CBY2: variants seen among roughly 807,000 people sequenced by gnomAD.
CBY2 encodes the protein protein chibby homolog 2.
A neutral mutation model predicts 25.3 loss-of-function variants in CBY2; 23 were observed. That is an observed-to-expected ratio of 0.91 (90% CI 0.65 to 1.29). CBY2 has a LOEUF of 1.29. Ranked by LOEUF, CBY2 falls within the 50% of genes most tolerant of loss-of-function variation. The pLI, the probability that CBY2 is intolerant of heterozygous loss-of-function variation, is 0.00. For synonymous variants in CBY2, 279 were observed against 260.2 expected (o/e 1.07, Z -0.70); for missense variants, 642 against 590.7 (o/e 1.09, Z -0.90).
Position 45,704,242 on chromosome 13 carries a change from A to G in CBY2, c.156+1387A>G, listed in dbSNP as rs973215303. Among the ~76,000 whole-genome samples the G allele has an allele frequency of 3.9e-5, 6 of 152,136 alleles. No homozygotes were observed. Among genetic ancestry groups the G allele is most frequent in the African/African-American group, 1.2e-4 (5 of 41,450 alleles). On this transcript the variant is annotated intron_variant, in intron 2 of 2. Transcript: ENST00000310521. This position sits in a 1 kb window ranked among gnomAD's most constrained non-coding sequence, Gnocchi z 4.1. Reference sequence around the variant, plus strand: ...CTCCCCAGCTCCCAGAAACAGCCCAACGATCAAGGAGAAGAGAAGGTGGTT... The same window carrying G: ...CTCCCCAGCTCCCAGAAACAGCCCAGCGATCAAGGAGAAGAGAAGGTGGTT...
rs1331349882 is a variant in CBY2, at chr13:45,713,743, C to A, written c.718C>A (p.Arg240Ser). 3 of 1,610,560 alleles carry A rather than the reference C, an allele frequency of 1.9e-6. No homozygotes were observed. Among genetic ancestry groups the A allele is most frequent in the African/African-American group, 2.7e-5 (2 of 74,878 alleles). The change falls in exon 3 of 3, where the codon CGT becomes AGT. Residue 240 changes from arginine to serine, a missense_variant. Transcript: ENST00000310521. This position sits in a 1 kb window ranked among gnomAD's most constrained non-coding sequence, Gnocchi z 5.0. ...KKDHVALQVP[R>S]GKEDSTLQLL... ...GGACCACGTCGCCCTGCAGGTGCCC[C>A]GTGGCAAGGAGGACAGCACCCTGCA...
Position 45,709,651 on chromosome 13 carries a change from C to T in CBY2, c.157-3531C>T, listed in dbSNP as rs150834481. ...GTCACTTTGCTTTAAGATAACCTAG[C>T]GGTAGGGGAGTGGTTGTGGAATCAG... is the stretch of plus-strand genomic sequence containing the variant. On this transcript the variant is annotated intron_variant, in intron 2 of 2. Transcript: ENST00000310521. Among the ~76,000 whole-genome samples, 966 of 152,184 alleles carry T rather than the reference C, an allele frequency of 6.3e-3. 11 individuals are homozygous for T. Among genetic ancestry groups the T allele is most frequent in the Middle Eastern group, 0.027 (8 of 294 alleles).
chr13:45,703,496 C>G, intron 2 of CBY2: 2 of 1,550,158 alleles, frequency 1.3e-6, no homozygotes, highest in Non-Finnish European at 1.7e-6. Flanking sequence ...AAAGGGGTGG[C>G]TTTGCTTTCT....
intron 2 of CBY2, among the ~76,000 whole-genome samples, chr13:45,707,491 C>G (rs1950246279): frequency 6.6e-6 from 1 of 152,148 alleles, no homozygotes; most frequent in Admixed American, 6.5e-5. Context: ...TATGGTTCAA[C>G]CTAGTATTTC....
chr13:45,713,103 T>A lies in CBY2; in HGVS notation c.157-79T>A. On this transcript the variant is annotated intron_variant, in intron 2 of 2. Transcript: ENST00000310521. This position sits in a 1 kb window ranked among gnomAD's most constrained non-coding sequence, Gnocchi z 5.0. ...CAATCAGACGGGGCTTATTTGGGGA[T>A]GTCCTGGCCCCTTTGTCAGCCAGCC... 8.5e-7 allele frequency: 1 copy of A among 1,170,768 alleles called. No individual in the cohort carries two copies. 72.5% of individuals were successfully genotyped at this position (1,170,768 alleles called of 1,614,324 possible).
At chr13:45,708,213 T>A (rs1950250491) in intron 2 of CBY2, among the ~76,000 whole-genome samples, 1 of 152,216 alleles carries the variant, frequency 6.6e-6, no homozygotes, top group Non-Finnish European at 1.5e-5. Context: ...ATCCACATTT[T>A]CTAGGAACTA....
Position 45,713,145 on chromosome 13 carries a change from C to T in CBY2, c.157-37C>T, listed in dbSNP as rs1334706453. The T allele has an allele frequency of 6.6e-7, 1 of 1,514,768 alleles. No individual in the cohort carries two copies. The highest frequency in any genetic ancestry group is 2.3e-5 in the East Asian group (1 of 43,606). The allele number at this position is 1,514,768 out of a possible 1,614,324, so 93.8% of individuals were successfully genotyped here. On this transcript the variant is annotated intron_variant, in intron 2 of 2. Coordinates refer to ENST00000310521, the MANE Select transcript of CBY2 (RefSeq NM_152719.3). The surrounding 1 kb of genome is among the most constrained non-coding windows in gnomAD (Gnocchi z 5.0). ...CAGCCAGCCCCAAGTGTGTCAGTCC[C>T]ATCGTTAACGCTGGGCTTTCCCATT...
At position 45,713,634 on chromosome 13, in the gene CBY2, C is replaced by G. The variant is rs756614272; in HGVS notation, c.609C>G (p.His203Gln). 1.2e-6 allele frequency: 2 copies of G among 1,613,678 alleles called. No individual in the cohort carries two copies. Among genetic ancestry groups the G allele is most frequent in the Middle Eastern group, 1.6e-4 (1 of 6,062 alleles). The change falls in exon 3 of 3, where the codon CAC becomes CAG. Residue 203 changes from histidine (H) to glutamine (Q), a missense_variant. Coordinates refer to ENST00000310521, the MANE Select transcript of CBY2 (RefSeq NM_152719.3). This position sits in a 1 kb window ranked among gnomAD's most constrained non-coding sequence, Gnocchi z 5.0. ...TCCTACAGGTCTTCTGGGAGGAGCACAAGGCCTCGCTGGGCCGAGAGGAGA... is the reference window on the plus strand; with the variant it reads ...TCCTACAGGTCTTCTGGGAGGAGCAGAAGGCCTCGCTGGGCCGAGAGGAGA... ...NKILQVFWEE[H>Q]KASLGREESR... is the part of the protein sequence containing the mutation.
intron 2 of CBY2, among the ~76,000 whole-genome samples, chr13:45,711,688 A>G (rs1395073182): frequency 6.6e-6 from 1 of 152,224 alleles, no homozygotes; most frequent in Non-Finnish European, 1.5e-5. Context: ...TGGGAGGCTC[A>G]GAAATCTGCA....
Position 45,713,508 on chromosome 13 carries a change from G to T in CBY2, c.483G>T (p.Arg161Ser). ...TCCACCACAAGCTGCACCACAAGAGGCTGGCCAAGGAGTGCATGCTGCAGG... is the reference window on the plus strand; with the variant it reads ...TCCACCACAAGCTGCACCACAAGAGTCTGGCCAAGGAGTGCATGCTGCAGG... ...ASFHHKLHHKRLAKECMLQEE... is the reference protein window; with the variant it reads ...ASFHHKLHHKSLAKECMLQEE... The change falls in exon 3 of 3, where the codon AGG becomes AGT. Residue 161 changes from arginine to serine, a missense_variant. Transcript: ENST00000310521. This position sits in a 1 kb window ranked among gnomAD's most constrained non-coding sequence, Gnocchi z 5.0. The T allele has an allele frequency of 6.2e-7, 1 of 1,614,178 alleles. No individual in the cohort carries two copies. Among genetic ancestry groups the T allele is most frequent in the Non-Finnish European group, 8.5e-7 (1 of 1,180,036 alleles).
intron 2 of CBY2, among the ~76,000 whole-genome samples, chr13:45,707,583 T>G (rs917709265): frequency 6.6e-6 from 1 of 152,214 alleles, no homozygotes; most frequent in African/African-American, 2.4e-5. Context: ...AAATTTGCTT[T>G]CTAATTCCCA....
chr13:45,702,957 A>G, intron 2 of CBY2, 102 bp downstream of exon 2: 1 of 1,198,288 alleles, frequency 8.3e-7, no homozygotes, highest in Non-Finnish European at 1.2e-6. Context: ...ATAAGCAGAG[A>G]TAGTCAGGGC....
At chr13:45,703,323 C>A (rs1950221775) in intron 2 of CBY2, 3 of 1,396,856 alleles carry the variant, frequency 2.1e-6, no homozygotes, top group East Asian at 5.3e-5. Context: ...CCCTGCTATG[C>A]ATCAAAGACA....
At chr13:45,712,032 G>C (rs1311732683) in intron 2 of CBY2, among the ~76,000 whole-genome samples, 1 of 152,238 alleles carries the variant, frequency 6.6e-6, no homozygotes, top group African/African-American at 2.4e-5. Flanking sequence ...GATATGCCCA[G>C]ATGGGCAAGA....
intron 2 of CBY2, among the ~76,000 whole-genome samples, chr13:45,709,736 G>T (rs1003609076): frequency 1.3e-5 from 2 of 152,150 alleles, no homozygotes; most frequent in African/African-American, 4.8e-5. Flanking sequence ...CTGAGTGATG[G>T]GTACATGGAC....
At chr13:45,707,417 T>A (rs760468776) in intron 2 of CBY2, among the ~76,000 whole-genome samples, 10 of 152,184 alleles carry the variant, frequency 6.6e-5, no homozygotes, top group Non-Finnish European at 1.3e-4. Flanking sequence ...ATACACTAAC[T>A]ATATTAAGGC....
chr13:45,713,068 C>A lies in CBY2; in HGVS notation c.157-114C>A. 1 of 857,348 alleles carries A rather than the reference C, an allele frequency of 1.2e-6. No homozygotes were observed. The highest frequency in any genetic ancestry group is 1.8e-6 in the Non-Finnish European group (1 of 568,706). The allele number at this position is 857,348 out of a possible 1,614,324, so 53.1% of individuals were successfully genotyped here. On this transcript the variant is annotated intron_variant, in intron 2 of 2. Transcript: ENST00000310521. This position sits in a 1 kb window ranked among gnomAD's most constrained non-coding sequence, Gnocchi z 5.0. ...CAAGAAGCAAAAGCGCCCACTGTGGCCAGGCCAGACAATCAGACGGGGCTT... is the reference window on the plus strand; with the variant it reads ...CAAGAAGCAAAAGCGCCCACTGTGGACAGGCCAGACAATCAGACGGGGCTT...
chr13:45,709,192 C>T (rs148273046), intron 2 of CBY2, among the ~76,000 whole-genome samples: 1 of 152,334 alleles, frequency 6.6e-6, no homozygotes, highest in East Asian at 1.9e-4. Flanking sequence ...TGAGCAAGAT[C>T]ACCTGAATGT....
In CBY2 at chr13:45,713,658, G is replaced by C; in HGVS notation, c.633G>C (p.Glu211Asp). 1 of 1,613,378 alleles carries C rather than the reference G, an allele frequency of 6.2e-7. No homozygotes were observed. Among genetic ancestry groups the C allele is most frequent in the Non-Finnish European group, 8.5e-7 (1 of 1,179,992 alleles). Residue 211 changes from glutamate (E) to aspartate (D), a missense_variant, in exon 3 of 3, where the codon GAG becomes GAC. Transcript: ENST00000310521. This position sits in a 1 kb window ranked among gnomAD's most constrained non-coding sequence, Gnocchi z 5.0. ...ACAAGGCCTCGCTGGGCCGAGAGGA[G>C]AGCCGGGCCCCCTCGCCACTGCTGC... ...EEHKASLGRE[E>D]SRAPSPLLHK...
Sources: allele counts gnomAD v4.1 joint callset (sites outside exome capture counted in the v4.1 genomes callset), GRCh38; gene constraint gnomAD v4.1.1; non-coding constraint Gnocchi (gnomAD v3.1); transcripts MANE v1.5; gene names NCBI Gene and HGNC (gene_info 2026-07-23, HGNC 2026-07-21).